BPIFB4: variants seen among roughly 807,000 people sequenced by gnomAD.
BPIFB4 encodes the protein BPI fold containing family B member 4.
In BPIFB4, 62 loss-of-function variants were observed where a neutral mutation model predicts 69.2. The ratio of observed to expected loss-of-function variants is 0.90; its 90% CI spans 0.73 to 1.11. BPIFB4 has a LOEUF of 1.11. Ranked by LOEUF, BPIFB4 falls within the 50% of genes least tolerant of loss-of-function variation. The pLI is 0.00. For missense variants in BPIFB4, 789 were observed against 792.0 expected, an observed-to-expected ratio of 1.00 and a Z score of 0.04; for synonymous variants, 330 against 332.7, an observed-to-expected ratio of 0.99 and a Z score of 0.09.
intron 16 of BPIFB4, among the ~76,000 whole-genome samples, chr20:33,107,131 G>T (rs1403894117): frequency 6.6e-6 from 1 of 151,954 alleles, no homozygotes; most frequent in Admixed American, 6.6e-5. Context: ...TTGAACCCAG[G>T]AGGTGGATGT....
In BPIFB4 at chr20:33,083,567, C is replaced by T. The variant is rs140887073; in HGVS notation, c.370C>T (p.Arg124Cys). ...CAGGGACCTCCGAAACAGTGGCTAT[C>T]GCAGTGCCGAGAATGCATATGGAGG... ...SIRDLRNSGYRSAENAYGGHR... is the reference protein window; with the variant it reads ...SIRDLRNSGYCSAENAYGGHR... The change falls in exon 5 of 18, where the codon CGC becomes TGC. Residue 124 changes from arginine (R) to cysteine (C), a missense_variant. Arg to Cys is a radical substitution (Grantham distance 180, BLOSUM62 -3). This residue lies in a region of BPIFB4 where 611 missense variants were observed against 575.4 expected (regional missense o/e 1.06). Coordinates refer to ENST00000375483, the MANE Select transcript of BPIFB4 (RefSeq NM_182519.3). 1.9e-6 allele frequency: 3 copies of T among 1,614,060 alleles called. No individual in the cohort carries two copies. The highest frequency in any genetic ancestry group is 1.1e-5 in the South Asian group (1 of 91,078).
chr20:33,091,884 C>T (rs1175473796), intron 10 of BPIFB4, among the ~76,000 whole-genome samples: 4 of 152,168 alleles, frequency 2.6e-5, no homozygotes, highest in Non-Finnish European at 5.9e-5. Context: ...GTATGATCCA[C>T]CCAGGGAAGT....
At chr20:33,090,435 AC>A (rs1364589989) in intron 9 of BPIFB4, among the ~76,000 whole-genome samples, 1 of 151,986 alleles carries the variant, frequency 6.6e-6, no homozygotes, top group African/African-American at 2.4e-5. Flanking sequence ...AGGATATTGC[AC>A]CCCCCTGCCC....
At chr20:33,083,344 C>T in intron 4 of BPIFB4, 23 bp from the exon 5 acceptor site, 1 of 1,604,276 alleles carries the variant, frequency 6.2e-7, no homozygotes. Context: ...ACAATGACTA[C>T]AGACGCATTG....
At chr20:33,102,867 G>T (rs1981943039) in intron 14 of BPIFB4, 105 bp from the exon 15 acceptor site, 1 of 1,135,490 alleles carries the variant, frequency 8.8e-7, no homozygotes, top group Admixed American at 1.7e-5. Flanking sequence ...GGTGGAGAGT[G>T]ATCGTGAGGA....
At chr20:33,095,825 T>C (rs1165443348) in intron 12 of BPIFB4, among the ~76,000 whole-genome samples, 1 of 152,150 alleles carries the variant, frequency 6.6e-6, no homozygotes, top group Non-Finnish European at 1.5e-5. Context: ...ACTTCTTTTT[T>C]TAAAAAAAAG....
chr20:33,094,080 C>T (rs1234801664), intron 11 of BPIFB4, among the ~76,000 whole-genome samples: 1 of 152,140 alleles, frequency 6.6e-6, no homozygotes, highest in Non-Finnish European at 1.5e-5. Context: ...TGCACAAAAC[C>T]ATCATACAAA....
Position 33,085,143 on chromosome 20 carries a change from C to A in BPIFB4, c.782+147C>A, listed in dbSNP as rs111813335. 1.2e-4 allele frequency: 169 copies of A among 1,440,344 alleles called. 2 individuals are homozygous for A. The African/African-American group carries it at 2.0e-3, about 17-fold the overall frequency. 89.2% of individuals were successfully genotyped at this position (1,440,344 alleles called of 1,614,324 possible). On this transcript the variant is annotated intron_variant, in intron 6 of 17. Transcript: ENST00000375483. Reference sequence around the variant, plus strand: ...GCCATCTGTCAGCGGTGAAAACAGCCTAGCACAGTGGTTAAGATCTGGGAG... The same window carrying A: ...GCCATCTGTCAGCGGTGAAAACAGCATAGCACAGTGGTTAAGATCTGGGAG...
At position 33,083,769 on chromosome 20, in the gene BPIFB4, T is replaced by C; in HGVS notation, c.572T>C (p.Leu191Pro). The C allele has an allele frequency of 6.2e-7, 1 of 1,613,714 alleles. No homozygotes were observed. Among genetic ancestry groups the C allele is most frequent in the Non-Finnish European group, 8.5e-7 (1 of 1,179,836 alleles). Reference sequence around the variant, plus strand: ...ATCCTCGCAGGCCAAGGTGGCCTGCTCGGCGGAGGTGGTCTCCTTGGTGAT... The same window carrying C: ...ATCCTCGCAGGCCAAGGTGGCCTGCCCGGCGGAGGTGGTCTCCTTGGTGAT... ...DGILAGQGGL[L>P]GGGGLLGDGG... Residue 191 changes from leucine (L) to proline (P), a missense_variant, in exon 5 of 18, where the codon CTC becomes CCC. Transcript: ENST00000375483.
intron 7 of BPIFB4, among the ~76,000 whole-genome samples, chr20:33,088,130 A>G (rs1037922967): frequency 2.6e-5 from 4 of 152,094 alleles, no homozygotes; most frequent in Admixed American, 2.0e-4. Context: ...CTGTCTGCCC[A>G]TCTATACATC....
At position 33,095,118 on chromosome 20, in the gene BPIFB4, C is replaced by A. The variant is rs148333165; in HGVS notation, c.1363C>A (p.Leu455Ile). 3 of 1,613,006 alleles carry A rather than the reference C, an allele frequency of 1.9e-6. No individual in the cohort carries two copies. The African/African-American group carries it at 4.0e-5, about 22-fold the overall frequency. The change falls in exon 12 of 18, where the codon CTT becomes ATT. Residue 455 changes from leucine to isoleucine, a missense_variant. Leu to Ile is a conservative substitution (Grantham distance 5, BLOSUM62 2). Transcript: ENST00000375483. ...CCTATAGTTTGAAGAGCTTCCTCCA[C>A]TTACCACAGCCACACTGGGAGCCCT... ...TNGMFEELPP[L>I]TTATLGALIP...
At chr20:33,092,831 AGTGG>A (rs1981647408) in intron 11 of BPIFB4, among the ~76,000 whole-genome samples, 173 bp downstream of exon 11, 1 of 152,220 alleles carries the variant, frequency 6.6e-6, no homozygotes, top group Non-Finnish European at 1.5e-5. Flanking sequence ...TACTTGCCAA[AGTGG>A]TGCTTGGGAG....
chr20:33,098,776 C>A (rs551850927), intron 13 of BPIFB4, among the ~76,000 whole-genome samples: 25 of 150,736 alleles, frequency 1.7e-4, no homozygotes, highest in Non-Finnish European at 3.2e-4. Flanking sequence ...AACCATGTTT[C>A]TCCTCTGCAT....
At chr20:33,089,145 CAAGG>C (rs755801751) in intron 8 of BPIFB4, 116 bp downstream of exon 8, 1,303 of 1,507,512 alleles carry the variant, frequency 8.6e-4, no homozygotes, top group Non-Finnish European at 1.1e-3. Context: ...CAGAGAGAGC[CAAGG>C]CCTGGGGCAT....
intron 17 of BPIFB4, among the ~76,000 whole-genome samples, chr20:33,108,886 AATGGGGCC>A (rs1222359609): frequency 6.6e-6 from 1 of 152,238 alleles, no homozygotes; most frequent in East Asian, 1.9e-4. Flanking sequence ...AAATGGAATG[AATGGGGCC>A]TTTGTGCCAG....
At chr20:33,091,635 A>G (rs1035225556) in intron 10 of BPIFB4, among the ~76,000 whole-genome samples, 4 of 152,258 alleles carry the variant, frequency 2.6e-5, no homozygotes, top group Non-Finnish European at 4.4e-5. Context: ...ATTCATAAAC[A>G]TACATCTGTT....
chr20:33,081,627 G>A lies in BPIFB4; in HGVS notation c.101G>A (p.Ser34Asn). 1.3e-6 allele frequency: 2 copies of A among 1,551,676 alleles called. No individual in the cohort carries two copies. The highest frequency in any genetic ancestry group is 1.7e-4 in the Middle Eastern group (1 of 5,992). Residue 34 changes from serine (S) to asparagine (N), a missense_variant, in exon 3 of 18, where the codon AGC (serine) becomes AAC (asparagine). Physicochemically the swap from Ser to Asn is conservative, Grantham distance 46 (BLOSUM62 1). This residue lies in a region of BPIFB4 where 611 missense variants were observed against 575.4 expected (regional missense o/e 1.06). Transcript: ENST00000375483. ...CTCAGGGTGACGAAAGATGTGTTGA[G>A]CAATGGTGAGTCCAGCCCCAAAGGG... ...TVLRVTKDVL[S>N]NAISGMLQQS...
chr20:33,084,772 T>TCTTTAGACTTTAGA, intron 5 of BPIFB4, 120 bp from the exon 6 acceptor site: 1 of 1,459,750 alleles, frequency 6.9e-7, no homozygotes, highest in Non-Finnish European at 9.0e-7. Flanking sequence ...AGGTGTCTAG[T>TCTTTAGACTTTAGA]GTCTTTAGAG....
At chr20:33,106,244 G>A (rs1233025645) in intron 16 of BPIFB4, among the ~76,000 whole-genome samples, 1 of 152,132 alleles carries the variant, frequency 6.6e-6, no homozygotes, top group East Asian at 1.9e-4. Context: ...AAAACAAACA[G>A]CACATCCCAC....
Sources: gnomAD v4.1 joint callset for allele counts (sites outside exome capture counted in the v4.1 genomes callset) on GRCh38, gnomAD v4.1.1 for gene constraint, gnomAD v4.1.1 regional missense constraint, MANE v1.5 for transcripts, NCBI Gene and HGNC (gene_info 2026-07-23, HGNC 2026-07-21) for gene names.